TLK1: variants seen among roughly 807,000 people sequenced by gnomAD.
TLK1 encodes tousled like kinase 1.
Under a neutral mutation model 105.3 loss-of-function variants are expected in TLK1, and 24 were observed. The observed-to-expected ratio is 0.23, with a 90% CI of 0.17 to 0.32. The LOEUF (loss-of-function observed/expected upper bound fraction) is 0.32. TLK1 is among the 10% of genes least tolerant of loss of function. The pLI is 1.00. For missense variants in TLK1, 558 were observed against 910.5 expected, an observed-to-expected ratio of 0.61 and a Z score of 4.98; for synonymous variants, 321 against 310.4, an observed-to-expected ratio of 1.03 and a Z score of -0.36.
chr2:171,128,575 C>T (rs1330858870), intron 1 of TLK1, among the ~76,000 whole-genome samples: 1 of 152,102 alleles, frequency 6.6e-6, no homozygotes, highest in African/African-American at 2.4e-5. Context: ...TAGCTTTCTT[C>T]CTGGGGTTAG....
At chr2:171,002,509 C>T (rs1321598670) in intron 18 of TLK1, among the ~76,000 whole-genome samples, 2 of 152,068 alleles carry the variant, frequency 1.3e-5, no homozygotes, top group Non-Finnish European at 2.9e-5. Context: ...CTCCTGACCT[C>T]GTGATCCACC....
In TLK1 at chr2:171,006,556, C is replaced by A. The variant is rs1684663439; in HGVS notation, c.1686G>T (p.Arg562=). The A allele has an allele frequency of 6.2e-7, 1 of 1,613,066 alleles. No individual in the cohort carries two copies. Among genetic ancestry groups the A allele is most frequent in the Non-Finnish European group, 8.5e-7 (1 of 1,179,628 alleles). ...QHKLMSEKEA[R]SIVMQIVNAL... is the part of the protein sequence containing the mutation. Reference sequence around the variant, plus strand: ...CATTTACAATCTGCATTACAATAGACCGAGCTTCTTTCTCTGACATTAACT... The same window carrying A: ...CATTTACAATCTGCATTACAATAGAACGAGCTTCTTTCTCTGACATTAACT... The change falls in exon 17 of 21, where the codon CGG becomes CGT. Residue 562 remains arginine, a synonymous_variant. Coordinates refer to ENST00000431350, the MANE Select transcript of TLK1 (RefSeq NM_012290.5).
intron 1 of TLK1, among the ~76,000 whole-genome samples, chr2:171,138,220 G>A (rs555502242): frequency 6.6e-6 from 1 of 152,256 alleles, no homozygotes; most frequent in East Asian, 1.9e-4. Context: ...AACTGGCCAT[G>A]TACACATTTG....
intron 1 of TLK1, among the ~76,000 whole-genome samples, chr2:171,183,241 T>C (rs1303511314): frequency 2.6e-5 from 4 of 152,074 alleles, no homozygotes; most frequent in African/African-American, 9.7e-5. Context: ...AACAGAAAAT[T>C]TGTCAATAAT....
chr2:171,152,028 AG>A (rs1490200214), intron 1 of TLK1, among the ~76,000 whole-genome samples: 1 of 152,216 alleles, frequency 6.6e-6, no homozygotes, highest in Non-Finnish European at 1.5e-5. Flanking sequence ...CCTTCACCAG[AG>A]GAACTACATT....
At chr2:171,117,653 C>G (rs540533382) in intron 2 of TLK1, 86 bp downstream of exon 2, 1 of 1,034,278 alleles carries the variant, frequency 9.7e-7, no homozygotes, top group Non-Finnish European at 1.4e-6. Context: ...TGCTGTTAAG[C>G]ACGTTATGTA....
At chr2:171,033,061 C>T (rs1323459152) in intron 11 of TLK1, among the ~76,000 whole-genome samples, 1 of 152,022 alleles carries the variant, frequency 6.6e-6, no homozygotes, top group East Asian at 1.9e-4. Context: ...CAAAAATTAG[C>T]CAGGCGTGGT....
chr2:171,110,660 T>C (rs1438009171), intron 2 of TLK1, among the ~76,000 whole-genome samples: 1 of 152,268 alleles, frequency 6.6e-6, no homozygotes, highest in East Asian at 1.9e-4. Context: ...TAGCATCTCT[T>C]AAAAACCTAA....
chr2:171,137,656 C>T (rs543513612), intron 1 of TLK1, among the ~76,000 whole-genome samples: 1 of 152,158 alleles, frequency 6.6e-6, no homozygotes, highest in Admixed American at 6.5e-5. Flanking sequence ...CGCGACCAAC[C>T]TGGGCAACAT....
At chr2:171,191,141 C>T (rs1278258966) in intron 1 of TLK1, among the ~76,000 whole-genome samples, 1 of 151,184 alleles carries the variant, frequency 6.6e-6, no homozygotes, top group Non-Finnish European at 1.5e-5. Flanking sequence ...GCCTGGGTGA[C>T]ACACTGAGAC....
chr2:171,081,791 A>C, intron 3 of TLK1: 1 of 948,934 alleles, frequency 1.1e-6, no homozygotes, highest in Non-Finnish European at 1.5e-6. Context: ...AACTGCACGA[A>C]ACTGTCTACC....
chr2:171,160,500 C>G lies in TLK1; in HGVS notation c.-72G>C. ...CGGCAACGGCACCGGCACCCGCCTCCGTCATGGCGGGGGCCGCGCTGAGGG... is the reference window on the plus strand; with the variant it reads ...CGGCAACGGCACCGGCACCCGCCTCGGTCATGGCGGGGGCCGCGCTGAGGG... On this transcript the variant is annotated 5_prime_UTR_variant, in exon 1 of 21. Coordinates refer to ENST00000431350, the MANE Select transcript of TLK1 (RefSeq NM_012290.5). The surrounding 1 kb of genome is among the most constrained non-coding windows in gnomAD (Gnocchi z 4.4). 1 of 1,565,884 alleles carries G rather than the reference C, an allele frequency of 6.4e-7. No individual in the cohort carries two copies.
At chr2:171,102,314 T>C (rs1401583592) in intron 2 of TLK1, among the ~76,000 whole-genome samples, 6 of 152,226 alleles carry the variant, frequency 3.9e-5, no homozygotes, top group Non-Finnish European at 7.3e-5. Flanking sequence ...ATTTTTATTT[T>C]TAATTCTTCA....
At chr2:171,200,908 GTCTC>G (rs1693386109) in intron 1 of TLK1, among the ~76,000 whole-genome samples, 1 of 141,668 alleles carries the variant, frequency 7.1e-6, no homozygotes, top group African/African-American at 2.6e-5. Flanking sequence ...TTGAGACAGA[GTCTC>G]TCTCTGTAGC....
At chr2:171,199,841 G>A (rs218307) in intron 1 of TLK1, among the ~76,000 whole-genome samples, 73,037 of 152,060 alleles carry the variant, frequency 0.48, 19,284 homozygotes, top group East Asian at 0.73. Context: ...TTTGTCATAC[G>A]GAATACTGGT....
At chr2:171,150,747 G>T (rs769481532) in intron 1 of TLK1, among the ~76,000 whole-genome samples, 17 of 152,164 alleles carry the variant, frequency 1.1e-4, no homozygotes, top group Admixed American at 6.5e-5. Context: ...TGCAACCTTG[G>T]ATCTAGCTGT....
chr2:171,012,515 C>T (rs1461968576), intron 13 of TLK1, among the ~76,000 whole-genome samples: 3 of 152,044 alleles, frequency 2.0e-5, no homozygotes, highest in Non-Finnish European at 2.9e-5. Flanking sequence ...GAGACAGAGT[C>T]TCGCTCTGGC....
intron 1 of TLK1, among the ~76,000 whole-genome samples, chr2:171,197,651 C>T (rs1425623886): frequency 3.3e-5 from 5 of 151,968 alleles, no homozygotes; most frequent in East Asian, 1.9e-4. Context: ...TGGTGGTGCA[C>T]GTTTGTAATC....
intron 1 of TLK1, among the ~76,000 whole-genome samples, chr2:171,138,344 TAGAG>T (rs1407914178): frequency 1.3e-5 from 2 of 152,280 alleles, no homozygotes; most frequent in African/African-American, 2.4e-5. Flanking sequence ...TAATAGCAAA[TAGAG>T]AGTAGAGAAC....
Sources: allele counts gnomAD v4.1 joint callset (sites outside exome capture counted in the v4.1 genomes callset), GRCh38; gene constraint gnomAD v4.1.1; non-coding constraint Gnocchi (gnomAD v3.1); transcripts MANE v1.5; gene names NCBI Gene and HGNC (gene_info 2026-07-23, HGNC 2026-07-21).